The following LRRC75A variants were observed in gnomAD, a reference collection of about 807,000 sequenced individuals.
LRRC75A encodes the protein leucine rich repeat containing 75A, also known as leucine-rich repeat-containing protein 75A.
Under a neutral mutation model 26.0 loss-of-function variants are expected in LRRC75A, and 12 were observed. The ratio of observed to expected loss-of-function variants is 0.46; its 90% CI spans 0.30 to 0.75. The LOEUF is 0.75. Ranked by LOEUF, LRRC75A falls within the 30% of genes least tolerant of loss-of-function variation. LRRC75A has a pLI of 0.08. For missense variants in LRRC75A, 410 were observed against 486.6 expected (o/e 0.84, Z 1.48); for synonymous variants, 223 against 219.3 (o/e 1.02, Z -0.15).
chr17:16,452,129 A>T (rs868763275), intron 2 of LRRC75A, among the ~76,000 whole-genome samples: 1 of 144,592 alleles, frequency 6.9e-6, no homozygotes, highest in Middle Eastern at 3.9e-3. Context: ...AGGCAGGAGG[A>T]TCACTTGACC....
Position 16,462,427 on chromosome 17 carries a change from C to G in LRRC75A, c.247-41G>C. 6.2e-7 allele frequency: 1 copy of G among 1,610,410 alleles called. No homozygotes were observed. The highest frequency in any genetic ancestry group is 8.5e-7 in the Non-Finnish European group (1 of 1,179,142). On this transcript the variant is annotated intron_variant, in intron 1 of 3. Transcript: ENST00000470794. The surrounding 1 kb of genome is among the most constrained non-coding windows in gnomAD (Gnocchi z 4.6). ...ATGCCCAGAGGTCAGGGCTGGCTGC[C>G]CACCCAGCTCGCCCACCATCCCCAA... is the stretch of plus-strand genomic sequence containing the variant.
At chr17:16,479,170 C>T (rs1362194568) in intron 1 of LRRC75A, among the ~76,000 whole-genome samples, 1 of 152,226 alleles carries the variant, frequency 6.6e-6, no homozygotes, top group African/African-American at 2.4e-5. Context: ...GTCTGATCCT[C>T]TTTGAGAGCC....
chr17:16,453,297 A>AAC lies in LRRC75A; in HGVS notation c.376-5339_376-5338dup, dbSNP rs764002278. ...GAGTGGGACTGGTGTGGGACTCCTA[A>AAC]ACACACACACACACGCACACACGCA... On this transcript the variant is annotated intron_variant, in intron 2 of 3. Coordinates refer to ENST00000470794, the MANE Select transcript of LRRC75A (RefSeq NM_001113567.3). Among the ~76,000 whole-genome samples the AAC allele has an allele frequency of 6.8e-4, 74 of 108,746 alleles. 1 individual carries two copies. The East Asian group carries it at 0.013, about 20-fold the overall frequency. The allele number at this position is 108,746 out of a possible 152,430, so 71.3% of individuals were successfully genotyped here. A position where few individuals can be genotyped will look rare whatever the true frequency, so the allele number is the denominator to read the frequency against.
intron 1 of LRRC75A, among the ~76,000 whole-genome samples, chr17:16,486,268 G>T (rs2093846963): frequency 6.6e-6 from 1 of 152,074 alleles, no homozygotes; most frequent in South Asian, 2.1e-4. Flanking sequence ...GCAGTTTCTG[G>T]TAATCTCTGA....
At chr17:16,477,020 G>A (rs181616165) in intron 1 of LRRC75A, among the ~76,000 whole-genome samples, 3 of 151,312 alleles carry the variant, frequency 2.0e-5, no homozygotes, top group Admixed American at 6.6e-5. Context: ...TTACAGGCGT[G>A]AGCCACTGCG....
intron 1 of LRRC75A, among the ~76,000 whole-genome samples, chr17:16,490,242 G>A (rs1373528322): frequency 2.0e-5 from 3 of 152,196 alleles, no homozygotes; most frequent in Admixed American, 6.5e-5. Flanking sequence ...GAAACAGCAT[G>A]TGATCAGGAA....
intron 1 of LRRC75A, among the ~76,000 whole-genome samples, chr17:16,486,509 C>T (rs2093847461): frequency 6.6e-6 from 1 of 152,190 alleles, no homozygotes; most frequent in African/African-American, 2.4e-5. Context: ...TCGATCCAGC[C>T]CAGGCAGAGA....
intron 2 of LRRC75A, among the ~76,000 whole-genome samples, chr17:16,459,739 C>T (rs968945079): frequency 6.6e-6 from 1 of 152,172 alleles, no homozygotes; most frequent in African/African-American, 2.4e-5. Context: ...GCAAATTGCT[C>T]TGACCAGGAT....
chr17:16,456,325 A>AAGGAAGAGGAGG (rs2093683259), intron 2 of LRRC75A, among the ~76,000 whole-genome samples: 1 of 76,038 alleles, frequency 1.3e-5, no homozygotes, highest in South Asian at 4.3e-4. Context: ...AGAGGAGAAG[A>AAGGAAGAGGAGG]AGGAAGAGGA....
At position 16,443,276 on chromosome 17, in the gene LRRC75A, T is replaced by C; in HGVS notation, c.*312A>G. ...CACAATGGCTCAGGCTTACAGTACCTCCAGCCATGTGCCCATTTCCACAAG... is the reference window on the plus strand; with the variant it reads ...CACAATGGCTCAGGCTTACAGTACCCCCAGCCATGTGCCCATTTCCACAAG... On this transcript the variant is annotated 3_prime_UTR_variant, in exon 4 of 4. Coordinates refer to ENST00000470794, the MANE Select transcript of LRRC75A (RefSeq NM_001113567.3). The C allele has an allele frequency of 2.7e-6, 1 of 365,886 alleles. No homozygotes were observed. Among genetic ancestry groups the C allele is most frequent in the East Asian group, 4.2e-5 (1 of 23,562 alleles). 22.7% of individuals were successfully genotyped at this position (365,886 alleles called of 1,614,324 possible). A position where few individuals can be genotyped will look rare whatever the true frequency, so the allele number is the denominator to read the frequency against.
chr17:16,455,298 T>A (rs899339226), intron 2 of LRRC75A, among the ~76,000 whole-genome samples: 1 of 152,152 alleles, frequency 6.6e-6, no homozygotes, highest in Non-Finnish European at 1.5e-5. Flanking sequence ...TTTGTTCTGC[T>A]TTTTTGTTAC....
At chr17:16,456,212 GGAAGAGGAGGAA>G (rs1318250076) in intron 2 of LRRC75A, among the ~76,000 whole-genome samples, 4 of 104,604 alleles carry the variant, frequency 3.8e-5, no homozygotes, top group Admixed American at 3.5e-4. Context: ...AAGAGGAGGA[GGAAGAGGAGGAA>G]GAAGAGGAGA....
chr17:16,477,780 G>A (rs1405700897), intron 1 of LRRC75A, among the ~76,000 whole-genome samples: 4 of 151,970 alleles, frequency 2.6e-5, no homozygotes, highest in Non-Finnish European at 4.4e-5. Context: ...GATTCTCCCC[G>A]CAAAGGTGGA....
intron 1 of LRRC75A, among the ~76,000 whole-genome samples, chr17:16,484,834 A>G (rs994971890): frequency 3.9e-5 from 6 of 152,128 alleles, no homozygotes; most frequent in Non-Finnish European, 7.4e-5. Flanking sequence ...CCCCACTCTC[A>G]GCTGTGCTCC....
intron 2 of LRRC75A, among the ~76,000 whole-genome samples, chr17:16,453,421 G>A (rs767091785): frequency 3.3e-5 from 5 of 152,148 alleles, no homozygotes; most frequent in Non-Finnish European, 5.9e-5. Context: ...GGGCAGCCAC[G>A]CACAGGGCCA....
chr17:16,465,384 T>A (rs1309923766), intron 1 of LRRC75A, among the ~76,000 whole-genome samples: 3 of 152,208 alleles, frequency 2.0e-5, no homozygotes, highest in Non-Finnish European at 2.9e-5. Context: ...AATGGGCAGA[T>A]GAACCACACT....
intron 2 of LRRC75A, among the ~76,000 whole-genome samples, chr17:16,457,974 AAAAC>A (rs915979088): frequency 1.5e-4 from 23 of 152,090 alleles, no homozygotes; most frequent in African/African-American, 2.7e-4. Context: ...ACCCTGTCTC[AAAAC>A]AAACAAACAA....
chr17:16,472,143 T>A (rs1232432863), intron 1 of LRRC75A, among the ~76,000 whole-genome samples: 1 of 151,906 alleles, frequency 6.6e-6, no homozygotes, highest in African/African-American at 2.4e-5. Context: ...GGAGAGACAC[T>A]CATCAGCCGG....
rs34831794 is a variant in LRRC75A, at chr17:16,455,387, A to ATT, written c.375+6869_375+6870dup. Among the ~76,000 whole-genome samples, 64 of 146,626 alleles carry ATT rather than the reference A, an allele frequency of 4.4e-4. No individual in the cohort carries two copies. The East Asian group carries it at 6.9e-3, about 16-fold the overall frequency. On this transcript the variant is annotated intron_variant, in intron 2 of 3. Coordinates refer to ENST00000470794, the MANE Select transcript of LRRC75A (RefSeq NM_001113567.3). ...AAGTACCACACAGTTCTGCCCTACA[A>ATT]TTTTTTTTTTTAGACGGAGTCTTGC...
Sources: allele counts gnomAD v4.1 joint callset (sites outside exome capture counted in the v4.1 genomes callset), GRCh38; gene constraint gnomAD v4.1.1; non-coding constraint Gnocchi (gnomAD v3.1); transcripts MANE v1.5; gene names NCBI Gene and HGNC (gene_info 2026-07-23, HGNC 2026-07-21).